TRMT11: variants seen among roughly 807,000 people sequenced by gnomAD.
The protein encoded by TRMT11 is tRNA (guanine(10)-N(2))-methyltransferase TRMT11.
Under a neutral mutation model 62.8 loss-of-function variants are expected in TRMT11, and 53 were observed. The ratio of observed to expected loss-of-function variants is 0.84; its 90% confidence interval spans 0.68 to 1.06. TRMT11 has a LOEUF of 1.06. Ranked by LOEUF, TRMT11 falls within the 50% of genes least tolerant of loss-of-function variation. The probability of loss-of-function intolerance (pLI) is 0.00; values close to 1 mark genes in which losing one functional copy is unlikely to be tolerated. For missense variants in TRMT11, 556 were observed against 553.4 expected (o/e 1.00, Z -0.05); for synonymous variants, 188 against 190.3 (o/e 0.99, Z 0.10).
intron 17 of TRMT11, among the ~76,000 whole-genome samples, chr6:126,068,158 CATT>C (rs1347775660): frequency 2.0e-5 from 3 of 152,016 alleles, no homozygotes; most frequent in Admixed American, 1.3e-4. Flanking sequence ...GATTGTCCAT[CATT>C]TTTTATTGTT....
At position 126,012,926 on chromosome 6, in the gene TRMT11, T is replaced by G. The variant is rs899135464; in HGVS notation, c.1008-44T>G. On this transcript the variant is annotated intron_variant, in intron 10 of 12. Transcript: ENST00000334379. ...TGGCTTCCCCGTTAACTTAGCACTC[T>G]TAAAATTTTTCACTGATTTTGAAAT... 7 of 1,609,204 alleles carry G rather than the reference T, an allele frequency of 4.3e-6. No individual in the cohort carries two copies. In the African/African-American group the frequency reaches 9.4e-5, roughly 22 times the overall value.
intron 12 of TRMT11, among the ~76,000 whole-genome samples, chr6:126,030,061 G>A (rs1309980269): frequency 1.3e-5 from 2 of 152,118 alleles, no homozygotes; most frequent in Admixed American, 6.5e-5. Flanking sequence ...TAGATTATAT[G>A]TAAATACCTA....
chr6:126,228,801 T>C, the TRMT11 span, among the ~76,000 whole-genome samples: 1 of 152,200 alleles, frequency 6.6e-6, no homozygotes, highest in East Asian at 1.9e-4. Flanking sequence ...CCACGAGCAT[T>C]TGGGCACTGA....
chr6:126,145,235 T>G (rs1258700174), intron 21 of TRMT11, among the ~76,000 whole-genome samples: 20 of 152,190 alleles, frequency 1.3e-4, no homozygotes, highest in Non-Finnish European at 1.5e-5. Context: ...ACACTTACAT[T>G]AAGTGTGAAT....
intron 17 of TRMT11, among the ~76,000 whole-genome samples, chr6:126,087,324 ATTAAAGAAAAAAAATTCTAAACC>A (rs1173437260): frequency 2.6e-5 from 4 of 152,202 alleles, no homozygotes; most frequent in African/African-American, 9.6e-5. Flanking sequence ...CAAATTGCAA[ATTAAAGAAAAAAAATTCTAAACC>A]AAGATTAAAA....
intron 17 of TRMT11, among the ~76,000 whole-genome samples, chr6:126,055,925 T>C (rs377152369): frequency 6.6e-6 from 1 of 152,212 alleles, no homozygotes; most frequent in Admixed American, 6.5e-5. Flanking sequence ...TTCTTCTCCT[T>C]CTCGTGGGTC....
At chr6:126,233,071 G>A in the TRMT11 span, among the ~76,000 whole-genome samples, 11 of 152,214 alleles carry the variant, frequency 7.2e-5, 1 homozygote, top group Admixed American at 2.0e-4. Flanking sequence ...AGACAATGTG[G>A]GAAGACAGTT....
chr6:126,129,350 C>G (rs1402495193), intron 21 of TRMT11, among the ~76,000 whole-genome samples: 3 of 152,082 alleles, frequency 2.0e-5, no homozygotes, highest in Non-Finnish European at 2.9e-5. Flanking sequence ...AGTGTTGGAA[C>G]AGTGTCTGAT....
chr6:126,090,986 G>A (rs1325502627), intron 17 of TRMT11, among the ~76,000 whole-genome samples: 2 of 152,112 alleles, frequency 1.3e-5, no homozygotes, highest in Non-Finnish European at 2.9e-5. Context: ...AAAGGCTTGC[G>A]GATAACTTGA....
At chr6:126,245,610 G>A in the TRMT11 span, among the ~76,000 whole-genome samples, 1 of 152,346 alleles carries the variant, frequency 6.6e-6, no homozygotes, top group East Asian at 1.9e-4. Context: ...GAAAACTTCT[G>A]CTTTGAGTAT....
chr6:126,039,050 T>C lies in TRMT11; in HGVS notation c.*214T>C. On this transcript the variant is annotated 3_prime_UTR_variant, in exon 13 of 13. Coordinates refer to ENST00000334379, the MANE Select transcript of TRMT11 (RefSeq NM_001031712.3). ...ACAGTCTTTATAATCTTATTTAATG[T>C]ATATTTGTACTTTCAAGTACTGATG... is the stretch of plus-strand genomic sequence containing the variant. 1 of 389,558 alleles carries C rather than the reference T, an allele frequency of 2.6e-6. No individual in the cohort carries two copies. Among genetic ancestry groups the C allele is most frequent in the South Asian group, 5.0e-5 (1 of 19,922 alleles). The allele number at this position is 389,558 out of a possible 1,614,324, so 24.1% of individuals were successfully genotyped here. A position where few individuals can be genotyped will look rare whatever the true frequency, so the allele number is the denominator to read the frequency against.
chr6:126,257,202 C>T, the TRMT11 span, among the ~76,000 whole-genome samples: 4 of 151,634 alleles, frequency 2.6e-5, no homozygotes, highest in East Asian at 1.9e-4. Context: ...GTGTTTTAAG[C>T]GAGTAGTTTT....
chr6:126,009,067 T>A (rs964300882), intron 8 of TRMT11, among the ~76,000 whole-genome samples: 24 of 151,978 alleles, frequency 1.6e-4, no homozygotes, highest in African/African-American at 5.8e-4. Context: ...CAGTGACCAG[T>A]TCAGACCTAT....
intron 21 of TRMT11, among the ~76,000 whole-genome samples, chr6:126,135,281 A>G (rs1276303909): frequency 6.6e-6 from 1 of 151,926 alleles, no homozygotes; most frequent in Middle Eastern, 3.4e-3. Context: ...ACCCAAATAA[A>G]TAAAATCAGA....
chr6:126,179,642 T>C (rs1778433300), intron 1 of TRMT11, among the ~76,000 whole-genome samples: 1 of 152,102 alleles, frequency 6.6e-6, no homozygotes, highest in Non-Finnish European at 1.5e-5. Context: ...TAATATTAAC[T>C]AAAGTGCAAG....
the TRMT11 span, among the ~76,000 whole-genome samples, chr6:126,240,135 TTC>T: frequency 6.6e-6 from 1 of 152,206 alleles, no homozygotes; most frequent in Non-Finnish European, 1.5e-5. Flanking sequence ...GGTTTTTAAC[TTC>T]TTTGCCGTGG....
At chr6:126,026,734 TA>T (rs1436730382) in intron 12 of TRMT11, among the ~76,000 whole-genome samples, 1 of 151,802 alleles carries the variant, frequency 6.6e-6, no homozygotes, top group Non-Finnish European at 1.5e-5. Flanking sequence ...TTTTTAAAGA[TA>T]GTCTTTCCTT....
Position 125,993,937 on chromosome 6 carries a change from C to T in TRMT11, c.138+115C>T, listed in dbSNP as rs1583631652. 5.3e-6 allele frequency: 3 copies of T among 570,538 alleles called. No homozygotes were observed. In the East Asian group the frequency reaches 9.4e-5, roughly 18 times the overall value. 35.3% of individuals were successfully genotyped at this position (570,538 alleles called of 1,614,324 possible). A position where few individuals can be genotyped will look rare whatever the true frequency, so the allele number is the denominator to read the frequency against. On this transcript the variant is annotated intron_variant, in intron 2 of 12. Coordinates refer to ENST00000334379, the MANE Select transcript of TRMT11 (RefSeq NM_001031712.3). ...TTTGTATGGTTACTTGTATCTGTTTCAAGAGGCAGTGGAATAAAGTGGATA... is the reference window on the plus strand; with the variant it reads ...TTTGTATGGTTACTTGTATCTGTTTTAAGAGGCAGTGGAATAAAGTGGATA...
chr6:126,030,894 A>G (rs1774075611), intron 12 of TRMT11, among the ~76,000 whole-genome samples: 1 of 152,182 alleles, frequency 6.6e-6, no homozygotes, highest in South Asian at 2.1e-4. Context: ...CCATTGTTAG[A>G]TATTTTCACT....
Sources: allele counts gnomAD v4.1 joint callset (sites outside exome capture counted in the v4.1 genomes callset), GRCh38; gene constraint gnomAD v4.1.1; transcripts MANE v1.5; gene names NCBI Gene and HGNC (gene_info 2026-07-23, HGNC 2026-07-21).